Variants in STPG2 observed in about 807,000 individuals in gnomAD.
STPG2 encodes the protein sperm-tail PG-rich repeat-containing protein 2.
A neutral mutation model predicts 54.2 loss-of-function variants in STPG2; 56 were observed. That is an observed-to-expected ratio of 1.03 (90% CI 0.83 to 1.29). The LOEUF is 1.29. STPG2 is among the 50% of genes most tolerant of loss of function. STPG2 has a pLI of 0.00. For synonymous variants in STPG2, 200 were observed against 181.8 expected (o/e 1.10, Z -0.81); for missense variants, 596 against 544.9 (o/e 1.09, Z -0.93).
At chr4:98,009,389 TC>T (rs200395264) in intron 5 of STPG2, among the ~76,000 whole-genome samples, 2,823 of 152,148 alleles carry the variant, frequency 0.019, 35 homozygotes, top group Non-Finnish European at 0.028. Flanking sequence ...CTGTGAATTT[TC>T]CAGTTTTCCT....
chr4:97,654,302 A>G (rs1722160283), intron 10 of STPG2, among the ~76,000 whole-genome samples: 1 of 152,158 alleles, frequency 6.6e-6, no homozygotes, highest in Admixed American at 6.6e-5. Context: ...ACATTTTAAA[A>G]TATTTGGACT....
intron 10 of STPG2, among the ~76,000 whole-genome samples, chr4:97,560,314 G>A (rs1399842951): frequency 6.6e-6 from 1 of 152,104 alleles, no homozygotes; most frequent in Non-Finnish European, 1.5e-5. Flanking sequence ...AATGTGCTCT[G>A]TCATCAATCA....
At chr4:97,922,167 C>T (rs1286604326) in intron 8 of STPG2, among the ~76,000 whole-genome samples, 1 of 151,960 alleles carries the variant, frequency 6.6e-6, no homozygotes, top group Non-Finnish European at 1.5e-5. Flanking sequence ...AATGTTCTAA[C>T]CACAAAAATG....
intron 10 of STPG2, among the ~76,000 whole-genome samples, chr4:97,597,260 T>C (rs1733321604): frequency 6.6e-6 from 1 of 151,824 alleles, no homozygotes; most frequent in Non-Finnish European, 1.5e-5. Context: ...ATTGAATCAG[T>C]TATAAAAATC....
intron 4 of STPG2, among the ~76,000 whole-genome samples, chr4:97,489,591 A>T (rs1730454135): frequency 6.6e-6 from 1 of 151,658 alleles, no homozygotes; most frequent in African/African-American, 2.4e-5. Context: ...ACAACCTTTT[A>T]TTCCTAATGT....
intron 7 of STPG2, among the ~76,000 whole-genome samples, chr4:97,959,815 G>C (rs1010626046): frequency 6.6e-6 from 1 of 151,984 alleles, no homozygotes; most frequent in Non-Finnish European, 1.5e-5. Flanking sequence ...CAAAACGATA[G>C]AGAAAGAGGG....
At chr4:97,794,231 T>G (rs1044933206) in intron 9 of STPG2, among the ~76,000 whole-genome samples, 1 of 152,140 alleles carries the variant, frequency 6.6e-6, no homozygotes, top group Non-Finnish European at 1.5e-5. Flanking sequence ...TCTTTGCATT[T>G]CTTAGAATTT....
intron 8 of STPG2, among the ~76,000 whole-genome samples, chr4:97,855,116 T>A (rs909625582): frequency 6.6e-6 from 1 of 152,212 alleles, no homozygotes; most frequent in Non-Finnish European, 1.5e-5. Context: ...TACTCCATGG[T>A]GTATATGTAC....
chr4:97,747,331 T>A (rs1241193684), intron 9 of STPG2, among the ~76,000 whole-genome samples: 1 of 151,390 alleles, frequency 6.6e-6, no homozygotes, highest in Non-Finnish European at 1.5e-5. Flanking sequence ...GCAACTTCTC[T>A]CAGGTCTCAC....
At chr4:98,087,477 A>G (rs972021418) in intron 5 of STPG2, among the ~76,000 whole-genome samples, 4 of 151,886 alleles carry the variant, frequency 2.6e-5, no homozygotes, top group African/African-American at 4.8e-5. Flanking sequence ...GCCCTCATCC[A>G]CTGTCTCCAT....
intron 9 of STPG2, among the ~76,000 whole-genome samples, chr4:97,741,022 T>A (rs527604604): frequency 7.2e-5 from 11 of 151,938 alleles, no homozygotes; most frequent in Non-Finnish European, 1.2e-4. Context: ...GAGATATAGA[T>A]CAATGGAACA....
intron 8 of STPG2, among the ~76,000 whole-genome samples, chr4:97,853,197 G>A (rs571552834): frequency 1.6e-3 from 236 of 151,454 alleles, no homozygotes; most frequent in Middle Eastern, 6.8e-3. Flanking sequence ...AGATCTCCTG[G>A]CCTCGTGATC....
chr4:97,816,966 A>G (rs2149101444), intron 9 of STPG2, among the ~76,000 whole-genome samples: 2 of 147,352 alleles, frequency 1.4e-5, no homozygotes, highest in African/African-American at 4.9e-5. Context: ...TATATATTAT[A>G]TATTTTATAT....
chr4:97,449,566 A>G (rs1446107779), intron 4 of STPG2, among the ~76,000 whole-genome samples: 1 of 152,204 alleles, frequency 6.6e-6, no homozygotes, highest in Non-Finnish European at 1.5e-5. Flanking sequence ...GAAGTCACTC[A>G]ATCAGTATTC....
At chr4:97,789,903 T>C (rs1214345093) in intron 9 of STPG2, among the ~76,000 whole-genome samples, 5 of 152,136 alleles carry the variant, frequency 3.3e-5, no homozygotes. Context: ...TCTTTCTTTT[T>C]AGTCTTCTCT....
intron 10 of STPG2, among the ~76,000 whole-genome samples, chr4:97,640,270 A>G (rs551904144): frequency 6.6e-6 from 1 of 152,230 alleles, no homozygotes; most frequent in Non-Finnish European, 1.5e-5. Flanking sequence ...CTTAAAATGA[A>G]ATCATAAATA....
Position 97,981,252 on chromosome 4 carries a change from T to G in STPG2, c.679A>C (p.Lys227Gln). The change falls in exon 6 of 11, where the codon AAG becomes CAG. Residue 227 changes from lysine to glutamine, a missense_variant. Transcript: ENST00000295268. ...GTYNEPRTAL[K>Q]SLKKTSGLKN... is the part of the protein sequence containing the mutation. ...AGTCCTGATGTTTTCTTCAAAGACTTGAGAGCAGTTCGAGGTTCATTATAT... is the reference window on the plus strand; with the variant it reads ...AGTCCTGATGTTTTCTTCAAAGACTGGAGAGCAGTTCGAGGTTCATTATAT... 1 of 1,614,004 alleles carries G rather than the reference T, an allele frequency of 6.2e-7. No individual in the cohort carries two copies. The highest frequency in any genetic ancestry group is 8.5e-7 in the Non-Finnish European group (1 of 1,179,950).
intron 9 of STPG2, among the ~76,000 whole-genome samples, chr4:97,759,751 A>G (rs1355418340): frequency 6.6e-6 from 1 of 152,184 alleles, no homozygotes; most frequent in Non-Finnish European, 1.5e-5. Context: ...TTTCAGGTGC[A>G]GTCTAAAAGT....
intron 8 of STPG2, among the ~76,000 whole-genome samples, chr4:97,861,581 G>C (rs1729543595): frequency 6.6e-6 from 1 of 152,050 alleles, no homozygotes; most frequent in Admixed American, 6.6e-5. Flanking sequence ...AGTCACAATG[G>C]CCAAAATCTG....
Sources: allele counts gnomAD v4.1 joint callset (sites outside exome capture counted in the v4.1 genomes callset), GRCh38; gene constraint gnomAD v4.1.1; transcripts MANE v1.5; gene names NCBI Gene and HGNC (gene_info 2026-07-23, HGNC 2026-07-21).